CLEC16A: variants seen among roughly 807,000 people sequenced by gnomAD.
CLEC16A encodes the protein C-type lectin domain containing 16A.
A neutral mutation model predicts 109.5 loss-of-function variants in CLEC16A; 51 were observed. That is an observed-to-expected ratio of 0.47 (90% CI 0.37 to 0.59). The LOEUF is 0.59. CLEC16A is among the 20% of genes least tolerant of loss of function. CLEC16A has a pLI of 0.00. For synonymous variants in CLEC16A, 673 were observed against 564.2 expected, an observed-to-expected ratio of 1.19 and a Z score of -2.73; for missense variants, 1,339 against 1,394.0, an observed-to-expected ratio of 0.96 and a Z score of 0.63.
At chr16:11,139,333 A>C (rs1479737923) in intron 22 of CLEC16A, among the ~76,000 whole-genome samples, 1 of 152,078 alleles carries the variant, frequency 6.6e-6, no homozygotes, top group African/African-American at 2.4e-5. Flanking sequence ...AGCTTTCTAC[A>C]CTTCTTTTCT....
intron 19 of CLEC16A, among the ~76,000 whole-genome samples, chr16:11,107,304 G>A (rs1032399707): frequency 6.6e-6 from 1 of 151,888 alleles, no homozygotes; most frequent in African/African-American, 2.4e-5. Flanking sequence ...CAGTAGAAAG[G>A]TGCCAAGACC....
chr16:11,036,741 G>A (rs1260599020), intron 13 of CLEC16A, among the ~76,000 whole-genome samples: 1 of 151,914 alleles, frequency 6.6e-6, no homozygotes, highest in Non-Finnish European at 1.5e-5. Context: ...TAGAGACGGG[G>A]TTTCACCACA....
intron 22 of CLEC16A, among the ~76,000 whole-genome samples, chr16:11,163,467 G>A (rs2054796968): frequency 1.4e-5 from 2 of 138,770 alleles, no homozygotes. Context: ...CAAATGGATG[G>A]GATCGGTAGT....
intron 23 of CLEC16A, among the ~76,000 whole-genome samples, chr16:11,167,840 C>T (rs2068335089): frequency 1.3e-5 from 2 of 152,202 alleles, no homozygotes; most frequent in South Asian, 2.1e-4. Context: ...CCCCTGTTGC[C>T]AGGCTTGTAG....
At chr16:11,008,645 G>A (rs62028154) in intron 11 of CLEC16A, among the ~76,000 whole-genome samples, 1 of 151,550 alleles carries the variant, frequency 6.6e-6, no homozygotes, top group Non-Finnish European at 1.5e-5. Flanking sequence ...GGTAAAATAC[G>A]TATAACAAAA....
At chr16:11,118,426 A>G (rs1199597511) in intron 19 of CLEC16A, among the ~76,000 whole-genome samples, 1 of 152,214 alleles carries the variant, frequency 6.6e-6, no homozygotes, top group Non-Finnish European at 1.5e-5. Context: ...CAAGTGCTGT[A>G]CACATCCAAT....
intron 22 of CLEC16A, among the ~76,000 whole-genome samples, chr16:11,143,011 A>G (rs769600054): frequency 2.0e-5 from 3 of 152,198 alleles, no homozygotes; most frequent in Non-Finnish European, 4.4e-5. Flanking sequence ...GAGTTTCACC[A>G]TGTTGGCCAG....
intron 1 of CLEC16A, among the ~76,000 whole-genome samples, chr16:10,946,383 T>C (rs2041373655): frequency 6.6e-6 from 1 of 152,092 alleles, no homozygotes; most frequent in South Asian, 2.1e-4. Flanking sequence ...AGTAAACGTT[T>C]GTGAGTCTTG....
chr16:11,109,132 A>G (rs1252427083), intron 19 of CLEC16A, among the ~76,000 whole-genome samples: 3 of 140,770 alleles, frequency 2.1e-5, no homozygotes, highest in African/African-American at 8.1e-5. Context: ...AAAAAAAAAA[A>G]ACTGGGAGCA....
Position 11,109,108 on chromosome 16 carries a change from CAAAAAAAAAA to C in CLEC16A, c.2117-11491_2117-11482del, listed in dbSNP as rs33997945. Among the ~76,000 whole-genome samples the C allele has an allele frequency of 1.9e-3, 111 of 58,256 alleles. 1 individual carries two copies. The South Asian group carries it at 0.086, about 45-fold the overall frequency. 38.2% of individuals were successfully genotyped at this position (58,256 alleles called of 152,430 possible). On this transcript the variant is annotated intron_variant, in intron 19 of 23. Coordinates refer to ENST00000409790, the MANE Select transcript of CLEC16A (RefSeq NM_015226.3). ...CCTGGGCGACAGAGTGAGACTGTCT[CAAAAAAAAAA>C]AAAAAAAAAAAAAAACTGGGAGCAG...
At chr16:11,024,734 C>A in intron 12 of CLEC16A, 87 bp from the exon 13 acceptor site, 2 of 999,060 alleles carry the variant, frequency 2.0e-6, no homozygotes, top group Admixed American at 2.0e-5. Context: ...GTGTCAAAGG[C>A]AGCTAGCACC....
Position 11,120,739 on chromosome 16 carries a change from A to C in CLEC16A, c.2241A>C (p.Gly747=), listed in dbSNP as rs201350159. The part of the protein sequence containing the change: ...VEPDVSRLGW[G]VVKFAGLLQD... Reference sequence around the variant, plus strand: ...CTGATGTGTCCAGGCTTGGCTGGGGAGTGGTCAAGTTTGCAGGCCTATTGC... The same window carrying C: ...CTGATGTGTCCAGGCTTGGCTGGGGCGTGGTCAAGTTTGCAGGCCTATTGC... Residue 747 remains glycine, a synonymous_variant, in exon 20 of 24, where the codon GGA becomes GGC. Coordinates refer to ENST00000409790, the MANE Select transcript of CLEC16A (RefSeq NM_015226.3). The C allele has an allele frequency of 6.3e-7, 1 of 1,576,720 alleles. No homozygotes were observed. The highest frequency in any genetic ancestry group is 1.2e-5 in the South Asian group (1 of 86,092).
At chr16:10,968,002 C>T (rs965196854) in intron 3 of CLEC16A, among the ~76,000 whole-genome samples, 2 of 152,258 alleles carry the variant, frequency 1.3e-5, no homozygotes, top group African/African-American at 4.8e-5. Flanking sequence ...CTGTGCTCCC[C>T]ATCTGAGGAC....
At chr16:11,036,344 G>T (rs2047018151) in intron 13 of CLEC16A, among the ~76,000 whole-genome samples, 1 of 151,116 alleles carries the variant, frequency 6.6e-6, no homozygotes, top group Non-Finnish European at 1.5e-5. Context: ...TCCACTCCCT[G>T]CAGTCCCACC....
chr16:11,126,483 T>G (rs1027972879), intron 22 of CLEC16A: 18 of 1,078,824 alleles, frequency 1.7e-5, no homozygotes, highest in Admixed American at 3.1e-5. Context: ...TCCTTCTCCA[T>G]GTAAGATGAC....
intron 19 of CLEC16A, among the ~76,000 whole-genome samples, chr16:11,099,548 G>C (rs1183802821): frequency 6.6e-6 from 1 of 152,248 alleles, no homozygotes; most frequent in Non-Finnish European, 1.5e-5. Flanking sequence ...AATGCAGAAA[G>C]TCCTTTTGGG....
intron 7 of CLEC16A, among the ~76,000 whole-genome samples, chr16:10,976,033 G>A (rs2043015845): frequency 6.6e-6 from 1 of 152,156 alleles, no homozygotes; most frequent in Non-Finnish European, 1.5e-5. Flanking sequence ...GGGAGGCCGA[G>A]GCAGAAGGAT....
At chr16:10,973,475 A>G (rs1308541585) in intron 7 of CLEC16A, among the ~76,000 whole-genome samples, 1 of 152,206 alleles carries the variant, frequency 6.6e-6, no homozygotes, top group Non-Finnish European at 1.5e-5. Context: ...AATGCCCAGA[A>G]TAGGTGAATC....
At chr16:11,013,082 G>GATGAGGGA (rs962896572) in intron 11 of CLEC16A, among the ~76,000 whole-genome samples, 1 of 152,160 alleles carries the variant, frequency 6.6e-6, no homozygotes, top group African/African-American at 2.4e-5. Context: ...ACATCTCTGG[G>GATGAGGGA]ATGAGGGAGG....
Sources: gnomAD v4.1 joint callset for allele counts (sites outside exome capture counted in the v4.1 genomes callset) on GRCh38, gnomAD v4.1.1 for gene constraint, MANE v1.5 for transcripts, NCBI Gene and HGNC (gene_info 2026-07-23, HGNC 2026-07-21) for gene names.